MERTK: variants seen among roughly 807,000 people sequenced by gnomAD.
MERTK encodes the protein tyrosine-protein kinase Mer.
Under a neutral mutation model 99.3 loss-of-function variants are expected in MERTK, and 69 were observed. The observed-to-expected ratio is 0.70, with a 90% CI of 0.57 to 0.85. The LOEUF (loss-of-function observed/expected upper bound fraction) is 0.85, where lower values mean the gene tolerates loss of function less well. MERTK is among the 40% of genes least tolerant of loss of function. The pLI is 0.00. For synonymous variants in MERTK, 426 were observed against 467.6 expected, an observed-to-expected ratio of 0.91 and a Z score of 1.15; for missense variants, 1,125 against 1,249.4, an observed-to-expected ratio of 0.90 and a Z score of 1.50.
chr2:111,916,738 T>C (rs1204767651), intron 1 of MERTK, among the ~76,000 whole-genome samples: 1 of 152,104 alleles, frequency 6.6e-6, no homozygotes, highest in African/African-American at 2.4e-5. Flanking sequence ...TTGAGATCAG[T>C]TTTATTTATT....
rs561024743 is a variant in MERTK at position 112,008,395 on chromosome 2, C to T, written c.1880C>T (p.Ser627Leu). The change falls in exon 14 of 19, where the codon TCA becomes TTA. Residue 627 changes from serine to leucine, a missense_variant. Transcript: ENST00000295408. Reference sequence around the variant, plus strand: ...TTTTCTCCTCTAGTGGACAACTCTTCACAGCGGGAGATCGAGGAGTTTCTC... The same window carrying T: ...TTTTCTCCTCTAGTGGACAACTCTTTACAGCGGGAGATCGAGGAGTTTCTC... ...AVKTMKLDNS[S>L]QREIEEFLSE... The T allele has an allele frequency of 3.7e-6, 6 of 1,613,616 alleles. No homozygotes were observed. Among genetic ancestry groups the T allele is most frequent in the South Asian group, 3.3e-5 (3 of 91,066 alleles).
intron 2 of MERTK, chr2:111,940,615 A>G (rs570603801): frequency 1.5e-6 from 1 of 663,282 alleles, no homozygotes; most frequent in Admixed American, 1.8e-5. Flanking sequence ...TTGAACCTGA[A>G]GCAGGTTAGC....
Position 111,997,384 on chromosome 2 carries a change from C to T in MERTK, c.1512C>T (p.Ile504=). The T allele has an allele frequency of 1.2e-6, 2 of 1,614,174 alleles. No individual in the cohort carries two copies. The highest frequency in any genetic ancestry group is 1.7e-6 in the Non-Finnish European group (2 of 1,180,004). The change falls in exon 10 of 19, where the codon ATC becomes ATT. Residue 504 remains isoleucine, a synonymous_variant. Transcript: ENST00000295408. ...CTGGCAACGCAGATCCTGTGCTCAT[C>T]ATCTTTGGCTGCTTTTGTGGATTTA... The part of the protein sequence containing the change: ...PAPGNADPVL[I]IFGCFCGFIL...
At chr2:111,992,533 G>A (rs770175054) in intron 8 of MERTK, among the ~76,000 whole-genome samples, 19 of 151,936 alleles carry the variant, frequency 1.3e-4, no homozygotes, top group Non-Finnish European at 2.2e-4. Context: ...CAGGTGGATC[G>A]CCAGGTCAAG....
intron 16 of MERTK, among the ~76,000 whole-genome samples, chr2:112,020,173 C>T (rs1469237162): frequency 6.6e-6 from 1 of 152,234 alleles, no homozygotes; most frequent in Non-Finnish European, 1.5e-5. Flanking sequence ...GGCCTGCCCC[C>T]TCCCGCCTCC....
chr2:111,951,451 T>C (rs1398231417), intron 4 of MERTK, among the ~76,000 whole-genome samples: 3 of 149,298 alleles, frequency 2.0e-5, no homozygotes, highest in Admixed American at 6.8e-5. Context: ...CTTAGCATAA[T>C]GTCTTCCAGT....
At chr2:111,961,200 C>G (rs770530820) in intron 4 of MERTK, among the ~76,000 whole-genome samples, 3 of 120,652 alleles carry the variant, frequency 2.5e-5, no homozygotes, top group Non-Finnish European at 4.8e-5. Context: ...CTTGCTCTGT[C>G]GCCCAGGCTG....
intron 5 of MERTK, 36 bp from the exon 6 acceptor site, chr2:111,968,101 G>GTTTGTA: frequency 1.5e-6 from 1 of 689,572 alleles, no homozygotes; most frequent in Non-Finnish European, 2.1e-6. Flanking sequence ...TTGTGTTTGT[G>GTTTGTA]TGTGTATGTG....
chr2:111,904,961 G>A (rs1319806703), intron 1 of MERTK, among the ~76,000 whole-genome samples: 2 of 152,210 alleles, frequency 1.3e-5, no homozygotes, highest in African/African-American at 4.8e-5. Flanking sequence ...CGTGACCGGA[G>A]TTAAACCAGT....
chr2:111,935,406 A>AGAG (rs1398783235), intron 2 of MERTK, among the ~76,000 whole-genome samples: 1 of 152,184 alleles, frequency 6.6e-6, no homozygotes, highest in East Asian at 1.9e-4. Context: ...GTATTAATTT[A>AGAG]GAGGAGGAGG....
intron 1 of MERTK, among the ~76,000 whole-genome samples, chr2:111,902,571 G>A (rs1684063376): frequency 6.6e-6 from 1 of 152,106 alleles, no homozygotes; most frequent in Admixed American, 6.6e-5. Flanking sequence ...AGCCTTTGCA[G>A]TGACTCTTCC....
At chr2:111,934,850 G>T (rs1374346125) in intron 2 of MERTK, among the ~76,000 whole-genome samples, 1 of 152,096 alleles carries the variant, frequency 6.6e-6, no homozygotes, top group Non-Finnish European at 1.5e-5. Context: ...TATGATTTCA[G>T]GTCTTACATT....
chr2:112,003,115 G>C lies in MERTK; in HGVS notation c.1714G>C (p.Glu572Gln), dbSNP rs143925029. The C allele has an allele frequency of 4.4e-6, 7 of 1,590,220 alleles. No homozygotes were observed. The African/African-American group carries it at 6.7e-5, about 15-fold the overall frequency. Residue 572 changes from glutamate (E) to glutamine (Q), a missense_variant, in exon 12 of 19, where the codon GAA (glutamate) becomes CAA (glutamine). Transcript: ENST00000295408. The part of the protein sequence containing the change: ...LTLHSLGVSE[E>Q]LQNKLEDVVI... ...AGTACATAGCTTGGGAGTCAGTGAG[G>C]AACTACAAAATAAACTAGAAGATGT...
intron 8 of MERTK, among the ~76,000 whole-genome samples, chr2:111,990,503 A>G (rs1299370970): frequency 6.6e-6 from 1 of 152,208 alleles, no homozygotes; most frequent in Non-Finnish European, 1.5e-5. Context: ...GCTCTGGGCC[A>G]GGCACTGTTA....
In MERTK at chr2:112,003,949, G is replaced by A. The variant is rs1676926353; in HGVS notation, c.1832G>A (p.Gly611Glu). ...VMEGNLKQED[G>E]TSLKVAVKTM... is the part of the protein sequence containing the mutation. ...GAAGGAAATCTTAAGCAGGAAGATG[G>A]GACCTCTCTGAAAGTGGCAGTGAAG... is the stretch of plus-strand genomic sequence containing the variant. Residue 611 changes from glycine to glutamate, a missense_variant, in exon 13 of 19, where the codon GGG becomes GAG. Gly to Glu is a moderately conservative substitution (Grantham distance 98). Transcript: ENST00000295408. 6.2e-7 allele frequency: 1 copy of A among 1,613,602 alleles called. No individual in the cohort carries two copies. Among genetic ancestry groups the A allele is most frequent in the Admixed American group, 1.7e-5 (1 of 60,006 alleles).
At position 112,029,102 on chromosome 2, in the gene MERTK, CT is replaced by C; in HGVS notation, c.*240del. ...ACAAGGATATTTTAATAAAACATTA[CT>C]TATTTCATTTCACTTATCTTGCATA... On this transcript the variant is annotated 3_prime_UTR_variant, in exon 19 of 19. Transcript: ENST00000295408. 8.3e-7 allele frequency: 1 copy of C among 1,204,336 alleles called. No individual in the cohort carries two copies. Among genetic ancestry groups the C allele is most frequent in the Non-Finnish European group, 1.0e-6 (1 of 961,566 alleles). 74.6% of individuals were successfully genotyped at this position (1,204,336 alleles called of 1,614,324 possible).
chr2:111,903,356 T>C (rs1684080467), intron 1 of MERTK, among the ~76,000 whole-genome samples: 1 of 152,266 alleles, frequency 6.6e-6, no homozygotes, highest in African/African-American at 2.4e-5. Context: ...TCTTTTATTT[T>C]GCTGTGATGC....
chr2:111,915,781 G>A (rs568610290), intron 1 of MERTK, among the ~76,000 whole-genome samples: 1 of 152,268 alleles, frequency 6.6e-6, no homozygotes, highest in South Asian at 2.1e-4. Context: ...TGTAATCCCA[G>A]CTATTTGGGG....
intron 13 of MERTK, among the ~76,000 whole-genome samples, chr2:112,004,391 C>T (rs1419551118): frequency 6.6e-6 from 1 of 152,074 alleles, no homozygotes; most frequent in Admixed American, 6.6e-5. Flanking sequence ...GTGGTGGGGC[C>T]ACTTCCTCAT....
Sources: allele counts gnomAD v4.1 joint callset (sites outside exome capture counted in the v4.1 genomes callset), GRCh38; gene constraint gnomAD v4.1.1; transcripts MANE v1.5; gene names NCBI Gene and HGNC (gene_info 2026-07-23, HGNC 2026-07-21).